Variants in PIEZO2 observed in about 807,000 individuals in gnomAD.
The protein encoded by PIEZO2 is piezo-type mechanosensitive ion channel component 2.
Under a neutral mutation model 337.3 loss-of-function variants are expected in PIEZO2, and 172 were observed. The ratio of observed to expected loss-of-function variants is 0.51; its 90% confidence interval spans 0.45 to 0.58. PIEZO2 has a LOEUF of 0.58. Ranked by LOEUF, PIEZO2 falls within the 20% of genes least tolerant of loss-of-function variation. The pLI is 0.00. For missense variants in PIEZO2, 3,028 were observed against 3,391.3 expected, an observed-to-expected ratio of 0.89 and a Z score of 2.66; for synonymous variants, 1,251 against 1,228.5, an observed-to-expected ratio of 1.02 and a Z score of -0.38.
rs1334575044 is a variant in PIEZO2 at position 11,109,608 on chromosome 18, C to T, written c.64+38917G>A. Among the ~76,000 whole-genome samples, 1 of 152,092 alleles carries T rather than the reference C, an allele frequency of 6.6e-6. No individual in the cohort carries two copies. The highest frequency in any genetic ancestry group is 2.4e-5 in the African/African-American group (1 of 41,398). On this transcript the variant is annotated intron_variant, in intron 1 of 55. Coordinates refer to ENST00000674853, the MANE Select transcript of PIEZO2 (RefSeq NM_001378183.1). The surrounding 1 kb of genome is among the most constrained non-coding windows in gnomAD (Gnocchi z 5.1). ...TGGCATGCACCTGTAATCCCAGCTA[C>T]ACCGGAGGCTGAGGCAAGAGAATTG...
intron 4 of PIEZO2, among the ~76,000 whole-genome samples, chr18:10,904,872 A>G (rs1479830331): frequency 6.6e-6 from 1 of 152,256 alleles, no homozygotes; most frequent in Admixed American, 6.5e-5. Flanking sequence ...TAAATCCTAA[A>G]GCAAAGTGTG....
In PIEZO2 at chr18:10,750,225, C is replaced by T. The variant is rs910709710; in HGVS notation, c.4168-38G>A. On this transcript the variant is annotated intron_variant, in intron 28 of 55. Transcript: ENST00000674853. The surrounding 1 kb of genome is among the most constrained non-coding windows in gnomAD (Gnocchi z 4.1). ...AGAGGGGGATAATCCTGAAGCTCTG[C>T]AGCCAGAAAAAAAAGTGGTGTTTTA... 2.1e-6 allele frequency: 3 copies of T among 1,446,624 alleles called. No homozygotes were observed. Among genetic ancestry groups the T allele is most frequent in the Non-Finnish European group, 2.8e-6 (3 of 1,065,684 alleles). The allele number at this position is 1,446,624 out of a possible 1,614,324, so 89.6% of individuals were successfully genotyped here. A position where few individuals can be genotyped will look rare whatever the true frequency, so the allele number is the denominator to read the frequency against.
At position 10,724,449 on chromosome 18, in the gene PIEZO2, G is replaced by A. The variant is rs2036443403; in HGVS notation, c.5030-6190C>T. 1.3e-5 allele frequency among the ~76,000 whole-genome samples: 2 copies of A among 152,206 alleles called. No individual in the cohort carries two copies. The highest frequency in any genetic ancestry group is 2.1e-4 in the South Asian group (1 of 4,826). On this transcript the variant is annotated intron_variant, in intron 36 of 55. Transcript: ENST00000674853. The surrounding 1 kb of genome is among the most constrained non-coding windows in gnomAD (Gnocchi z 5.8). ...AGGCAATGCATGCTGCAGCCAATCA[G>A]ACCCCTGGTAGCAGAGCCTGGGCCC...
intron 2 of PIEZO2, among the ~76,000 whole-genome samples, chr18:10,990,542 G>T (rs546030963): frequency 4.6e-5 from 7 of 151,942 alleles, no homozygotes; most frequent in Non-Finnish European, 1.0e-4. Context: ...CCAAGCCCTT[G>T]AAACTAAAAT....
chr18:10,889,957 G>A (rs2042709447), intron 4 of PIEZO2, among the ~76,000 whole-genome samples: 1 of 152,188 alleles, frequency 6.6e-6, no homozygotes, highest in Non-Finnish European at 1.5e-5. Flanking sequence ...CCATGTCTCT[G>A]TCTTTCCTCT....
intron 5 of PIEZO2, among the ~76,000 whole-genome samples, chr18:10,868,952 G>A (rs1037573394): frequency 1.3e-5 from 2 of 152,074 alleles, no homozygotes; most frequent in Admixed American, 1.3e-4. Context: ...GTTATGAATG[G>A]CACAGAAGAG....
chr18:10,712,909 T>C (rs2035875395), intron 39 of PIEZO2, among the ~76,000 whole-genome samples: 1 of 152,174 alleles, frequency 6.6e-6, no homozygotes, highest in Non-Finnish European at 1.5e-5. Flanking sequence ...CTTCTTTCCA[T>C]AAAAATATAC....
intron 3 of PIEZO2, among the ~76,000 whole-genome samples, chr18:10,934,635 A>ATGTGTGTGTGTGTGTGTGTGTGTG (rs2032276229): frequency 1.6e-5 from 1 of 64,438 alleles, no homozygotes; most frequent in African/African-American, 7.0e-5. Flanking sequence ...TATTGTGTGT[A>ATGTGTGTGTGTGTGTGTGTGTGTG]CGTGTGTGTG....
intron 21 of PIEZO2, chr18:10,769,615 C>T (rs961100671): frequency 1.3e-5 from 2 of 152,318 alleles, no homozygotes; most frequent in African/African-American, 4.8e-5. Context: ...GCTAATTTCT[C>T]TGCAGTGAAC....
intron 2 of PIEZO2, among the ~76,000 whole-genome samples, chr18:11,015,644 C>T (rs533709477): frequency 6.6e-6 from 1 of 152,276 alleles, no homozygotes; most frequent in East Asian, 1.9e-4. Context: ...GGGCCCCTTT[C>T]CTGCTGCATT....
In PIEZO2 at chr18:10,726,220, A is replaced by G; in HGVS notation, c.5029+5187T>C. 1.4e-6 allele frequency: 1 copy of G among 713,076 alleles called. No homozygotes were observed. Among genetic ancestry groups the G allele is most frequent in the South Asian group, 1.5e-5 (1 of 65,752 alleles). 44.2% of individuals were successfully genotyped at this position (713,076 alleles called of 1,614,324 possible). A position where few individuals can be genotyped will look rare whatever the true frequency, so the allele number is the denominator to read the frequency against. ...GCGAGTCCACCGGAGGAGGGGCTTC[A>G]CGCTGCCTGGGGCTGGAAGAGCTTG... is the stretch of plus-strand genomic sequence containing the variant. On this transcript the variant is annotated intron_variant, in intron 36 of 55. Coordinates refer to ENST00000674853, the MANE Select transcript of PIEZO2 (RefSeq NM_001378183.1). This position sits in a 1 kb window ranked among gnomAD's most constrained non-coding sequence, Gnocchi z 5.9.
chr18:10,693,555 G>A (rs1265561610), intron 47 of PIEZO2, among the ~76,000 whole-genome samples: 1 of 151,564 alleles, frequency 6.6e-6, no homozygotes, highest in African/African-American at 2.4e-5. Context: ...TTAAGACGGG[G>A]TTTCACCATA....
intron 24 of PIEZO2, 147 bp downstream of exon 24, chr18:10,760,764 A>G (rs779695020): frequency 9.8e-6 from 7 of 710,844 alleles, no homozygotes; most frequent in Non-Finnish European, 1.6e-5. Context: ...CCAGTTAACC[A>G]TCAGTACAAA....
intron 40 of PIEZO2, among the ~76,000 whole-genome samples, chr18:10,706,785 C>A (rs2035605542): frequency 2.6e-5 from 4 of 152,158 alleles, no homozygotes; most frequent in Admixed American, 2.0e-4. Context: ...AGGGGCAAAA[C>A]CCACCTGGAG....
intron 42 of PIEZO2, among the ~76,000 whole-genome samples, chr18:10,703,047 T>C (rs2035409906): frequency 6.6e-6 from 1 of 152,066 alleles, no homozygotes; most frequent in Admixed American, 6.5e-5. Context: ...AGAAATGGGG[T>C]CGTGCTATGT....
At chr18:11,114,175 G>A (rs569726063) in intron 1 of PIEZO2, among the ~76,000 whole-genome samples, 1 of 152,192 alleles carries the variant, frequency 6.6e-6, no homozygotes, top group Non-Finnish European at 1.5e-5. Context: ...TAAGGGAGAT[G>A]CTATCACTCA....
rs2039516648 is a variant in PIEZO2, at chr18:11,104,872, ACTGGATGTGACTGGGT to A, written c.65-38666_65-38651del. 6.6e-6 allele frequency among the ~76,000 whole-genome samples: 1 copy of A among 152,074 alleles called. No individual in the cohort carries two copies. Among genetic ancestry groups the A allele is most frequent in the Non-Finnish European group, 1.5e-5 (1 of 68,008 alleles). ...TTGAACCACTCCAGTCCTAGGTGTG[ACTGGATGTGACTGGGT>A]CTGGCTAATGAGGCCCCCTCCCCAG... is the stretch of plus-strand genomic sequence containing the variant. On this transcript the variant is annotated intron_variant, in intron 1 of 55. Transcript: ENST00000674853. This position sits in a 1 kb window ranked among gnomAD's most constrained non-coding sequence, Gnocchi z 4.6.
chr18:11,091,340 T>A, intron 1 of PIEZO2, among the ~76,000 whole-genome samples: 1 of 133,600 alleles, frequency 7.5e-6, no homozygotes, highest in Non-Finnish European at 1.5e-5. Flanking sequence ...GTCCAGATGG[T>A]GACAGAGCAC....
intron 7 of PIEZO2, among the ~76,000 whole-genome samples, chr18:10,812,835 C>G (rs2040238962): frequency 1.3e-5 from 2 of 152,182 alleles, no homozygotes; most frequent in African/African-American, 4.8e-5. Context: ...CACCTGTTTT[C>G]AGGTGTGCTC....
Sources: gnomAD v4.1 joint callset for allele counts (sites outside exome capture counted in the v4.1 genomes callset) on GRCh38, gnomAD v4.1.1 for gene constraint, Gnocchi (gnomAD v3.1) non-coding constraint, MANE v1.5 for transcripts, NCBI Gene and HGNC (gene_info 2026-07-23, HGNC 2026-07-21) for gene names.